The following ZC3H7B variants were observed in gnomAD, a reference collection of about 807,000 sequenced individuals.
ZC3H7B encodes zinc finger CCCH domain-containing protein 7B.
Under a neutral mutation model 116.0 loss-of-function variants are expected in ZC3H7B, and 35 were observed. The observed-to-expected ratio is 0.30, with a 90% CI of 0.23 to 0.40. The LOEUF (loss-of-function observed/expected upper bound fraction) is 0.40, where lower values mean the gene tolerates loss of function less well. Among genes scored for constraint, ZC3H7B ranks in the 10% least tolerant of loss-of-function variants. The probability of loss-of-function intolerance (pLI) is 1.00; values close to 1 mark genes in which losing one functional copy is unlikely to be tolerated. For synonymous variants in ZC3H7B, 502 were observed against 545.6 expected, an observed-to-expected ratio of 0.92 and a Z score of 1.11; for missense variants, 1,011 against 1,321.5, an observed-to-expected ratio of 0.77 and a Z score of 3.64.
intron 1 of ZC3H7B, among the ~76,000 whole-genome samples, chr22:41,305,626 C>T (rs1488010532): frequency 6.6e-6 from 1 of 152,096 alleles, no homozygotes; most frequent in Non-Finnish European, 1.5e-5. Flanking sequence ...ATCCCAGGGC[C>T]CCGAGGGGCT....
rs1308575318 is a variant in ZC3H7B, at chr22:41,355,789, T to C, written c.2201T>C (p.Met734Thr). The change falls in exon 19 of 23, where the codon ATG becomes ACG. Residue 734 changes from methionine (M) to threonine (T), a missense_variant. Physicochemically the swap from Met to Thr is moderately conservative, Grantham distance 81 (BLOSUM62 -1). Coordinates refer to ENST00000352645, the MANE Select transcript of ZC3H7B (RefSeq NM_017590.6). ...AAGGAGCGGCGGGTCCTTCTGGTGA[T>C]GTCCAAGGCCAAGAGGAAATGGGTG... Reference protein sequence around the residue: ...WTKERRVLLVMSKAKRKWVSV... With the variant: ...WTKERRVLLVTSKAKRKWVSV... 4.3e-6 allele frequency: 7 copies of C among 1,613,328 alleles called. No homozygotes were observed. The highest frequency in any genetic ancestry group is 5.1e-6 in the Non-Finnish European group (6 of 1,179,904).
Position 41,340,109 on chromosome 22 carries a change from C to G in ZC3H7B, c.1110C>G (p.Gly370=). Residue 370 remains glycine, a synonymous_variant, in exon 10 of 23, where the codon GGC becomes GGG. Coordinates refer to ENST00000352645, the MANE Select transcript of ZC3H7B (RefSeq NM_017590.6). ...TCGACAGCTTTGGGTCGACACGAGGCTCCCTGGACAAACCTGACTCCTTCA... is the reference window on the plus strand; with the variant it reads ...TCGACAGCTTTGGGTCGACACGAGGGTCCCTGGACAAACCTGACTCCTTCA... ...DALDSFGSTR[G]SLDKPDSFME... The G allele has an allele frequency of 6.2e-6, 10 of 1,609,780 alleles. No individual in the cohort carries two copies. The highest frequency in any genetic ancestry group is 8.5e-6 in the Non-Finnish European group (10 of 1,178,472).
rs1290149057 is a variant in ZC3H7B, at chr22:41,338,375, G to C, written c.625+20G>C. On this transcript the variant is annotated intron_variant, in intron 8 of 22. Transcript: ENST00000352645. The surrounding 1 kb of genome is among the most constrained non-coding windows in gnomAD (Gnocchi z 4.5). ...AAACAGGTAATGTCCCCGATACGAGGGAACAAGTGGAAATTGGGGCCCCGA... is the reference window on the plus strand; with the variant it reads ...AAACAGGTAATGTCCCCGATACGAGCGAACAAGTGGAAATTGGGGCCCCGA... 6 of 1,612,356 alleles carry C rather than the reference G, an allele frequency of 3.7e-6. No individual in the cohort carries two copies. The African/African-American group carries it at 6.7e-5, about 18-fold the overall frequency.
intron 13 of ZC3H7B, 47 bp downstream of exon 13, chr22:41,343,623 C>T: frequency 2.0e-6 from 3 of 1,522,466 alleles, no homozygotes; most frequent in Non-Finnish European, 1.8e-6. Context: ...GGCCCAGCCC[C>T]TCCACCCCCA....
chr22:41,347,933 C>T (rs1019360499), intron 14 of ZC3H7B, 134 bp from the exon 15 acceptor site: 1 of 724,248 alleles, frequency 1.4e-6, no homozygotes, highest in Non-Finnish European at 2.4e-6. Flanking sequence ...CTGGGATTCC[C>T]TTCCTCACTC....
chr22:41,346,784 A>T lies in ZC3H7B; in HGVS notation c.1665+576A>T, dbSNP rs5751081. Reference sequence around the variant, plus strand: ...TGAGCCGAGATCGCGCAACTGCACTAGAGACTCCATCTCAAAAAAAAATTA... The same window carrying T: ...TGAGCCGAGATCGCGCAACTGCACTTGAGACTCCATCTCAAAAAAAAATTA... On this transcript the variant is annotated intron_variant, in intron 14 of 22. Transcript: ENST00000352645. This position sits in a 1 kb window ranked among gnomAD's most constrained non-coding sequence, Gnocchi z 5.3. Among the ~76,000 whole-genome samples, 62,261 of 151,718 alleles carry T rather than the reference A, an allele frequency of 0.41. 15,555 individuals carry two copies. The highest frequency in any genetic ancestry group is 0.67 in the African/African-American group (27,782 of 41,318).
Position 41,327,513 on chromosome 22 carries a change from C to T in ZC3H7B, c.444+149C>T, listed in dbSNP as rs2036333731. ...ATGCAGATCCTGATGTTAACACTAG[C>T]TCCCATTCTCTGAGCGCTGACTGGG... is the stretch of plus-strand genomic sequence containing the variant. On this transcript the variant is annotated intron_variant, in intron 5 of 22. Transcript: ENST00000352645. This position sits in a 1 kb window ranked among gnomAD's most constrained non-coding sequence, Gnocchi z 4.5. The T allele has an allele frequency of 4.6e-6, 5 of 1,085,276 alleles. No homozygotes were observed. Among genetic ancestry groups the T allele is most frequent in the Non-Finnish European group, 6.5e-6 (5 of 769,536 alleles). The allele number at this position is 1,085,276 out of a possible 1,614,324, so 67.2% of individuals were successfully genotyped here. A position where few individuals can be genotyped will look rare whatever the true frequency, so the allele number is the denominator to read the frequency against.
At chr22:41,353,258 C>T (rs920888354) in intron 17 of ZC3H7B, among the ~76,000 whole-genome samples, 8 of 152,180 alleles carry the variant, frequency 5.3e-5, no homozygotes, top group Non-Finnish European at 8.8e-5. Flanking sequence ...GAAGCTGAGG[C>T]TGAGAGATTG....
In ZC3H7B at chr22:41,301,753, G is replaced by A. The variant is rs2035967478; in HGVS notation, c.-26G>A. Reference sequence around the variant, plus strand: ...TTATCGGGCTCGGCGCAGGCCCGCGGGGAGCGCAGCCCGGCGGAGGTGAGT... The same window carrying A: ...TTATCGGGCTCGGCGCAGGCCCGCGAGGAGCGCAGCCCGGCGGAGGTGAGT... On this transcript the variant is annotated 5_prime_UTR_variant, in exon 1 of 23. Transcript: ENST00000352645. 1 of 152,028 alleles carries A rather than the reference G, an allele frequency of 6.6e-6. No homozygotes were observed. The highest frequency in any genetic ancestry group is 1.5e-5 in the Non-Finnish European group (1 of 68,004). The allele number at this position is 152,028 out of a possible 1,614,324, so 9.4% of individuals were successfully genotyped here. A position where few individuals can be genotyped will look rare whatever the true frequency, so the allele number is the denominator to read the frequency against.
At chr22:41,343,370 CA>C (rs1403634441) in intron 12 of ZC3H7B, 44 bp from the exon 13 acceptor site, 2 of 1,579,224 alleles carry the variant, frequency 1.3e-6, no homozygotes, top group Admixed American at 1.7e-5. Context: ...CATCACTCTT[CA>C]ATTCTGCTTC....
At chr22:41,304,505 A>G (rs888974210) in intron 1 of ZC3H7B, among the ~76,000 whole-genome samples, 1 of 152,196 alleles carries the variant, frequency 6.6e-6, no homozygotes, top group African/African-American at 2.4e-5. Context: ...TGACTTTGTC[A>G]TTTATTATCT....
At chr22:41,325,446 C>A (rs1041092096) in intron 2 of ZC3H7B, 118 bp from the exon 3 acceptor site, 127 of 1,360,316 alleles carry the variant, frequency 9.3e-5, no homozygotes, top group Non-Finnish European at 1.2e-4. Context: ...AAACCGCAGT[C>A]TGTTCACCCT....
chr22:41,344,374 C>T (rs1297542925), intron 13 of ZC3H7B, among the ~76,000 whole-genome samples: 2 of 152,194 alleles, frequency 1.3e-5, no homozygotes, highest in South Asian at 2.1e-4. Context: ...AGCCACTGCC[C>T]GTGGCCAGTG....
At position 41,330,004 on chromosome 22, in the gene ZC3H7B, T is replaced by C; in HGVS notation, c.445-19T>C. 1.2e-6 allele frequency: 2 copies of C among 1,613,112 alleles called. No homozygotes were observed. The highest frequency in any genetic ancestry group is 1.7e-4 in the Middle Eastern group (1 of 6,060). ...GCCCGGGCAGACTGACCCACCGCCCTGTGTCTTGTCCTCTGCAGGATGAAA... is the reference window on the plus strand; with the variant it reads ...GCCCGGGCAGACTGACCCACCGCCCCGTGTCTTGTCCTCTGCAGGATGAAA... On this transcript the variant is annotated intron_variant, in intron 5 of 22. Transcript: ENST00000352645.
At chr22:41,315,948 G>A (rs140806103) in intron 1 of ZC3H7B, among the ~76,000 whole-genome samples, 167 of 151,866 alleles carry the variant, frequency 1.1e-3, no homozygotes, top group African/African-American at 3.8e-3. Context: ...CCAAATTCAC[G>A]ACCTTATCAC....
Position 41,320,836 on chromosome 22 carries a change from C to T in ZC3H7B, c.53+123C>T, listed in dbSNP as rs73414874. 1.9e-3 allele frequency: 2,589 copies of T among 1,353,228 alleles called. 53 individuals are homozygous for T. The African/African-American group carries it at 0.034, about 18-fold the overall frequency. The allele number at this position is 1,353,228 out of a possible 1,614,324, so 83.8% of individuals were successfully genotyped here. On this transcript the variant is annotated intron_variant, in intron 2 of 22. Coordinates refer to ENST00000352645, the MANE Select transcript of ZC3H7B (RefSeq NM_017590.6). ...CCTTTGCTGCCAAGGCTCCTGTGTG[C>T]GCTGGGGTGCGGGCAGGTGGGAGGA...
At chr22:41,331,748 G>C (rs2036387080) in intron 6 of ZC3H7B, among the ~76,000 whole-genome samples, 1 of 152,020 alleles carries the variant, frequency 6.6e-6, no homozygotes, top group Admixed American at 6.6e-5. Flanking sequence ...GTGCATGCCT[G>C]TAGTCTCAGC....
rs2036336770 is a variant in ZC3H7B at position 41,327,825 on chromosome 22, A to G, written c.444+461A>G. ...GTTTTGCTAATTCTGTTTAGTTCACAATTAAGACCCTTTCTTGGCCAGACA... is the reference window on the plus strand; with the variant it reads ...GTTTTGCTAATTCTGTTTAGTTCACGATTAAGACCCTTTCTTGGCCAGACA... On this transcript the variant is annotated intron_variant, in intron 5 of 22. Transcript: ENST00000352645. This position sits in a 1 kb window ranked among gnomAD's most constrained non-coding sequence, Gnocchi z 4.5. Among the ~76,000 whole-genome samples, 1 of 150,564 alleles carries G rather than the reference A, an allele frequency of 6.6e-6. No individual in the cohort carries two copies. Among genetic ancestry groups the G allele is most frequent in the African/African-American group, 2.5e-5 (1 of 40,686 alleles).
intron 10 of ZC3H7B, among the ~76,000 whole-genome samples, chr22:41,340,414 C>T (rs904134354): frequency 4.6e-5 from 7 of 151,914 alleles, no homozygotes; most frequent in Admixed American, 6.6e-5. Flanking sequence ...CCCAGCCTCC[C>T]GGGACCCTGG....
Sources: allele counts gnomAD v4.1 joint callset (sites outside exome capture counted in the v4.1 genomes callset), GRCh38; gene constraint gnomAD v4.1.1; non-coding constraint Gnocchi (gnomAD v3.1); transcripts MANE v1.5; gene names NCBI Gene and HGNC (gene_info 2026-07-23, HGNC 2026-07-21).